Variants in GAS2 observed in about 807,000 individuals in gnomAD.
The protein encoded by GAS2 is growth arrest-specific protein 2.
A neutral mutation model predicts 37.5 loss-of-function variants in GAS2; 20 were observed. The ratio of observed to expected loss-of-function variants is 0.53; its 90% CI spans 0.37 to 0.77. The LOEUF (loss-of-function observed/expected upper bound fraction) is 0.77, where lower values mean the gene tolerates loss of function less well. Ranked by LOEUF, GAS2 falls within the 30% of genes least tolerant of loss-of-function variation. The pLI is 0.00. For missense variants in GAS2, 336 were observed against 373.4 expected (o/e 0.90, Z 0.82); for synonymous variants, 144 against 132.2 (o/e 1.09, Z -0.61).
chr11:22,647,996 C>A (rs1254972113), intron 1 of GAS2, among the ~76,000 whole-genome samples: 1 of 152,124 alleles, frequency 6.6e-6, no homozygotes, highest in Non-Finnish European at 1.5e-5. Flanking sequence ...GAAGTCCTTG[C>A]CCATACCTAT....
chr11:22,730,705 A>G (rs920541282), intron 4 of GAS2, among the ~76,000 whole-genome samples: 16 of 151,802 alleles, frequency 1.1e-4, no homozygotes, highest in African/African-American at 3.6e-4. Context: ...TGATCAGTCT[A>G]TAAACAAAAT....
chr11:22,806,211 T>C (rs1856875791), intron 7 of GAS2, among the ~76,000 whole-genome samples: 2 of 152,134 alleles, frequency 1.3e-5, no homozygotes, highest in Admixed American at 6.5e-5. Context: ...TATCTTTCTG[T>C]GCCTGGCTTC....
At position 22,724,801 on chromosome 11, in the gene GAS2, T is replaced by C. The variant is rs149100935; in HGVS notation, c.268-1491T>C. Among the ~76,000 whole-genome samples, 92 of 152,224 alleles carry C rather than the reference T, an allele frequency of 6.0e-4. No individual in the cohort carries two copies. In the Middle Eastern group the frequency reaches 0.01, roughly 17 times the overall value. The stretch of plus-strand genomic sequence containing the variant: ...TTAGACAGACACCCATTTTAAGTGA[T>C]GTGGTAACTGAATGTTTTAAGTTAT... On this transcript the variant is annotated intron_variant, in intron 3 of 7. Transcript: ENST00000454584.
upstream of GAS2, among the ~76,000 whole-genome samples, chr11:22,662,767 C>T (rs760164497): frequency 6.6e-5 from 10 of 152,002 alleles, no homozygotes; most frequent in Admixed American, 2.0e-4. Context: ...TGCCTCTAAC[C>T]CAGAAACTTT....
At chr11:22,750,463 G>T (rs1003272435) in intron 6 of GAS2, among the ~76,000 whole-genome samples, 1 of 152,040 alleles carries the variant, frequency 6.6e-6, no homozygotes, top group African/African-American at 2.4e-5. Flanking sequence ...GCTCTTAAAG[G>T]TATCTTAGCT....
intron 7 of GAS2, among the ~76,000 whole-genome samples, chr11:22,797,681 G>A (rs1435944569): frequency 6.6e-6 from 1 of 152,008 alleles, no homozygotes; most frequent in Non-Finnish European, 1.5e-5. Context: ...GGGTAGTTAT[G>A]ATAACAAAAT....
chr11:22,788,576 A>G (rs7104817), intron 7 of GAS2, among the ~76,000 whole-genome samples: 149,397 of 152,224 alleles, frequency 0.98, 73,385 homozygotes, highest in East Asian at 1. Flanking sequence ...AGCACACTAT[A>G]GTAATTACAG....
intron 7 of GAS2, among the ~76,000 whole-genome samples, chr11:22,783,203 G>C (rs1855653106): frequency 7.0e-6 from 1 of 141,954 alleles, no homozygotes; most frequent in African/African-American, 2.7e-5. Flanking sequence ...TAGTGATGAT[G>C]AGCATTTTTT....
intron 5 of GAS2, among the ~76,000 whole-genome samples, chr11:22,745,193 T>G (rs1853323485): frequency 6.9e-6 from 1 of 144,546 alleles, no homozygotes; most frequent in Non-Finnish European, 1.5e-5. Context: ...GCCAGAAACA[T>G]CACATTACCT....
intron 6 of GAS2, among the ~76,000 whole-genome samples, chr11:22,750,696 T>C (rs1853677561): frequency 6.6e-6 from 1 of 152,070 alleles, no homozygotes; most frequent in Non-Finnish European, 1.5e-5. Context: ...TGTTTATATA[T>C]TGATGAGAAC....
Position 22,757,163 on chromosome 11 carries a change from C to A in GAS2, c.723+1210C>A, listed in dbSNP as rs570137109. Among the ~76,000 whole-genome samples the A allele has an allele frequency of 2.1e-4, 32 of 152,150 alleles. No homozygotes were observed. The East Asian group carries it at 5.6e-3, about 27-fold the overall frequency. ...CACATGATTAATAAATTATATACTTCTCCCTGCAATGTAACCTAATATCTT... is the reference window on the plus strand; with the variant it reads ...CACATGATTAATAAATTATATACTTATCCCTGCAATGTAACCTAATATCTT... On this transcript the variant is annotated intron_variant, in intron 7 of 7. Coordinates refer to ENST00000454584, the MANE Select transcript of GAS2 (RefSeq NM_001143830.3).
intron 1 of GAS2, among the ~76,000 whole-genome samples, chr11:22,641,012 C>T (rs1369586010): frequency 1.3e-5 from 2 of 151,486 alleles, no homozygotes. Context: ...CCATTTTTCC[C>T]CCTCCTCTGC....
chr11:22,683,720 T>C (rs1167609613), intron 2 of GAS2, among the ~76,000 whole-genome samples: 1 of 152,154 alleles, frequency 6.6e-6, no homozygotes, highest in Non-Finnish European at 1.5e-5. Context: ...ATATTAATGT[T>C]TTCTCAAAGT....
intron 4 of GAS2, among the ~76,000 whole-genome samples, chr11:22,729,876 A>G (rs1212902622): frequency 6.6e-6 from 1 of 151,804 alleles, no homozygotes; most frequent in Non-Finnish European, 1.5e-5. Context: ...GGAAATTGGC[A>G]TGCTTTCTTT....
chr11:22,674,341 C>T (rs1849327758), intron 1 of GAS2, among the ~76,000 whole-genome samples: 1 of 151,952 alleles, frequency 6.6e-6, no homozygotes, highest in Admixed American at 6.6e-5. Flanking sequence ...TCCATGATTG[C>T]TTGGCCGTCT....
At chr11:22,653,143 C>T (rs957050766) in intron 1 of GAS2, among the ~76,000 whole-genome samples, 2 of 151,138 alleles carry the variant, frequency 1.3e-5, no homozygotes, top group African/African-American at 4.9e-5. Flanking sequence ...CTCGTCTCCT[C>T]TCCTCTCCTC....
rs185093919 is a variant in GAS2, at chr11:22,741,617, G to C, written c.473+3849G>C. ...ACTTTCGGAACATTTTCTTTAATCT[G>C]TGATTTTTATTCATTACCTTTTAAA... On this transcript the variant is annotated intron_variant, in intron 5 of 7. Transcript: ENST00000454584. 9.2e-4 allele frequency among the ~76,000 whole-genome samples: 140 copies of C among 151,906 alleles called. 1 individual carries two copies. The East Asian group carries it at 0.024, about 26-fold the overall frequency.
chr11:22,651,979 G>C (rs1008455330), intron 1 of GAS2, among the ~76,000 whole-genome samples: 1 of 152,180 alleles, frequency 6.6e-6, no homozygotes, highest in Non-Finnish European at 1.5e-5. Flanking sequence ...TGTTCCTTTG[G>C]AGGAGGAGAG....
At chr11:22,767,058 C>G (rs977996910) in intron 7 of GAS2, among the ~76,000 whole-genome samples, 1 of 152,086 alleles carries the variant, frequency 6.6e-6, no homozygotes, top group Non-Finnish European at 1.5e-5. Context: ...TTTTTCTTAA[C>G]TGTTTTTGTC....
Sources: allele counts gnomAD v4.1 joint callset (sites outside exome capture counted in the v4.1 genomes callset), GRCh38; gene constraint gnomAD v4.1.1; transcripts MANE v1.5; gene names NCBI Gene and HGNC (gene_info 2026-07-23, HGNC 2026-07-21).